TP53INP2: variants seen among roughly 807,000 people sequenced by gnomAD.
The protein encoded by TP53INP2 is tumor protein p53-inducible nuclear protein 2.
A neutral mutation model predicts 17.1 loss-of-function variants in TP53INP2; 12 were observed. The observed-to-expected ratio is 0.70, with a 90% CI of 0.45 to 1.14. The LOEUF is 1.14. Among genes scored for constraint, TP53INP2 ranks in the 50% most tolerant of loss-of-function variants. TP53INP2 has a pLI of 0.00. For missense variants in TP53INP2, 342 were observed against 330.9 expected (o/e 1.03, Z -0.26); for synonymous variants, 145 against 147.3 (o/e 0.98, Z 0.12).
intron 2 of TP53INP2, among the ~76,000 whole-genome samples, chr20:34,707,104 G>A (rs950206502): frequency 1.3e-5 from 2 of 152,110 alleles, no homozygotes; most frequent in African/African-American, 4.8e-5. Context: ...GGCTTACCTC[G>A]GTCTGGGTCC....
In TP53INP2 at chr20:34,713,416, T is replaced by C. The variant is rs1282915416; in HGVS notation, c.*3109T>C. On this transcript the variant is annotated 3_prime_UTR_variant, in exon 5 of 5. Coordinates refer to ENST00000374810, the MANE Select transcript of TP53INP2 (RefSeq NM_021202.3). ...AAAAATTAATATAAAGAAAAACAAA[T>C]AAAAATATATTTAAAGCACATGATC... The C allele has an allele frequency of 6.6e-6, 1 of 152,514 alleles. No individual in the cohort carries two copies. The highest frequency in any genetic ancestry group is 6.5e-5 in the Admixed American group (1 of 15,270). The allele number at this position is 152,514 out of a possible 1,614,324, so 9.4% of individuals were successfully genotyped here.
In TP53INP2 at chr20:34,712,594, A is replaced by T. The variant is rs534929737; in HGVS notation, c.*2287A>T. 6.5e-6 allele frequency: 1 copy of T among 152,758 alleles called. No homozygotes were observed. Among genetic ancestry groups the T allele is most frequent in the Admixed American group, 6.5e-5 (1 of 15,304 alleles). 9.5% of individuals were successfully genotyped at this position (152,758 alleles called of 1,614,324 possible). On this transcript the variant is annotated 3_prime_UTR_variant, in exon 5 of 5. Transcript: ENST00000374810. ...CTCCTGCTAGTCTGACTCCTGAAGC[A>T]TCAGCCCTTGTCATACTGTATTGAC...
Position 34,710,006 on chromosome 20 carries a change from G to GGGGCCCC in TP53INP2, c.414-52_414-51insGGGCCCC. On this transcript the variant is annotated intron_variant, in intron 4 of 4. Coordinates refer to ENST00000374810, the MANE Select transcript of TP53INP2 (RefSeq NM_021202.3). The surrounding 1 kb of genome is among the most constrained non-coding windows in gnomAD (Gnocchi z 4.9). ...GGGTGGGAGATGGCAGCGCCCTCTA[G>GGGGCCCC]ACCCCCCGCCCAGCTTACCCGGCTT... 1 of 1,244,692 alleles carries GGGGCCCC rather than the reference G, an allele frequency of 8.0e-7. No homozygotes were observed. Among genetic ancestry groups the GGGGCCCC allele is most frequent in the Non-Finnish European group, 1.0e-6 (1 of 985,424 alleles). The allele number at this position is 1,244,692 out of a possible 1,614,324, so 77.1% of individuals were successfully genotyped here.
Position 34,710,032 on chromosome 20 carries a change from G to T in TP53INP2, c.414-26G>T. On this transcript the variant is annotated intron_variant, in intron 4 of 4. Transcript: ENST00000374810. This position sits in a 1 kb window ranked among gnomAD's most constrained non-coding sequence, Gnocchi z 4.9. ...ACCCCCCGCCCAGCTTACCCGGCTT[G>T]ACCGAGCCTGGCTCTGTCCTCACAG... 1.6e-6 allele frequency: 2 copies of T among 1,278,070 alleles called. No individual in the cohort carries two copies. The highest frequency in any genetic ancestry group is 2.6e-5 in the South Asian group (1 of 38,124). 79.2% of individuals were successfully genotyped at this position (1,278,070 alleles called of 1,614,324 possible). A position where few individuals can be genotyped will look rare whatever the true frequency, so the allele number is the denominator to read the frequency against.
chr20:34,710,264 G>A lies in TP53INP2; in HGVS notation c.620G>A (p.Ser207Asn). Residue 207 changes from serine (S) to asparagine (N), a missense_variant, in exon 5 of 5, where the codon AGC (serine) becomes AAC (asparagine). Transcript: ENST00000374810. The surrounding 1 kb of genome is among the most constrained non-coding windows in gnomAD (Gnocchi z 4.9). ...CGTCCGCGCCGGTCCAAGAACCAGA[G>A]CAGCTTCATCTACCAGCCGTGCCAG... Reference protein sequence around the residue: ...ESRPRRSKNQSSFIYQPCQRQ... With the variant: ...ESRPRRSKNQNSFIYQPCQRQ... 1 of 1,458,214 alleles carries A rather than the reference G, an allele frequency of 6.9e-7. No individual in the cohort carries two copies. The highest frequency in any genetic ancestry group is 2.3e-5 in the Admixed American group (1 of 43,940). 90.3% of individuals were successfully genotyped at this position (1,458,214 alleles called of 1,614,324 possible).
In TP53INP2 at chr20:34,709,847, G is replaced by A. The variant is rs1030604646; in HGVS notation, c.414-211G>A. Reference sequence around the variant, plus strand: ...CAGAAAGGCAAGGGTGGAATAGGGGGTGGGGGTCCAGTCTCCCCCGAGGTC... The same window carrying A: ...CAGAAAGGCAAGGGTGGAATAGGGGATGGGGGTCCAGTCTCCCCCGAGGTC... On this transcript the variant is annotated intron_variant, in intron 4 of 4. Transcript: ENST00000374810. This position sits in a 1 kb window ranked among gnomAD's most constrained non-coding sequence, Gnocchi z 5.4. 6.6e-6 allele frequency among the ~76,000 whole-genome samples: 1 copy of A among 152,130 alleles called. No homozygotes were observed. The highest frequency in any genetic ancestry group is 6.5e-5 in the Admixed American group (1 of 15,278).
rs537919532 is a variant in TP53INP2, at chr20:34,709,709, G to C, written c.413+185G>C. On this transcript the variant is annotated intron_variant, in intron 4 of 4. Coordinates refer to ENST00000374810, the MANE Select transcript of TP53INP2 (RefSeq NM_021202.3). This position sits in a 1 kb window ranked among gnomAD's most constrained non-coding sequence, Gnocchi z 5.4. ...TGGGCCTCCGGGCGAGGCTAGAAGC[G>C]GGCCTGAGGACGGAGGGGCGGGGCT... Among the ~76,000 whole-genome samples the C allele has an allele frequency of 3.9e-5, 6 of 152,234 alleles. No homozygotes were observed. Among genetic ancestry groups the C allele is most frequent in the African/African-American group, 1.4e-4 (6 of 41,558 alleles).
Position 34,710,422 on chromosome 20 carries a change from T to C in TP53INP2, c.*115T>C, listed in dbSNP as rs960848445. On this transcript the variant is annotated 3_prime_UTR_variant, in exon 5 of 5. Coordinates refer to ENST00000374810, the MANE Select transcript of TP53INP2 (RefSeq NM_021202.3). This position sits in a 1 kb window ranked among gnomAD's most constrained non-coding sequence, Gnocchi z 4.9. ...TCTTAAAGCGTGTGAGGTTGGGTGA[T>C]AGCCGTTCCTTCCCCGACACCCTCA... 1 of 1,147,474 alleles carries C rather than the reference T, an allele frequency of 8.7e-7. No individual in the cohort carries two copies. The highest frequency in any genetic ancestry group is 4.2e-5 in the Admixed American group (1 of 23,546). 71.1% of individuals were successfully genotyped at this position (1,147,474 alleles called of 1,614,324 possible). A position where few individuals can be genotyped will look rare whatever the true frequency, so the allele number is the denominator to read the frequency against.
rs771565575 is a variant in TP53INP2, at chr20:34,707,764, C to T, written c.-49-927C>T. On this transcript the variant is annotated intron_variant, in intron 2 of 4. Transcript: ENST00000374810. ...ACATGAGGTAATATAGGTAAAGCTG[C>T]TTAGCATAGTGCCTGGAACATAAAT... Among the ~76,000 whole-genome samples the T allele has an allele frequency of 4.5e-4, 69 of 152,266 alleles. No individual in the cohort carries two copies. In the Middle Eastern group the frequency reaches 0.01, roughly 23 times the overall value.
At chr20:34,707,134 T>C (rs927355189) in intron 2 of TP53INP2, among the ~76,000 whole-genome samples, 2 of 152,094 alleles carry the variant, frequency 1.3e-5, no homozygotes, top group Non-Finnish European at 2.9e-5. Context: ...TGCTCATCCT[T>C]AAGGGCTCCT....
At position 34,709,246 on chromosome 20, in the gene TP53INP2, G is replaced by A. The variant is rs1445025020; in HGVS notation, c.135G>A (p.Ala45=). ...TCCCGCGCCCCGTAGACAGCTACGCGGCTCCACCCAGCCCCGGGGCCGCCC... is the reference window on the plus strand; with the variant it reads ...TCCCGCGCCCCGTAGACAGCTACGCAGCTCCACCCAGCCCCGGGGCCGCCC... ...WLIIDLPDSY[A]APPSPGAAPA... Residue 45 remains alanine (A), a synonymous_variant, in exon 4 of 5, where the codon GCG becomes GCA. Coordinates refer to ENST00000374810, the MANE Select transcript of TP53INP2 (RefSeq NM_021202.3). This position sits in a 1 kb window ranked among gnomAD's most constrained non-coding sequence, Gnocchi z 5.4. 6.4e-7 allele frequency: 1 copy of A among 1,565,094 alleles called. No individual in the cohort carries two copies. Among genetic ancestry groups the A allele is most frequent in the East Asian group, 2.4e-5 (1 of 41,932 alleles).
rs1988257377 is a variant in TP53INP2 at position 34,713,230 on chromosome 20, T to C, written c.*2923T>C. 1 of 152,504 alleles carries C rather than the reference T, an allele frequency of 6.6e-6. No homozygotes were observed. Among genetic ancestry groups the C allele is most frequent in the South Asian group, 2.1e-4 (1 of 4,820 alleles). 9.4% of individuals were successfully genotyped at this position (152,504 alleles called of 1,614,324 possible). A position where few individuals can be genotyped will look rare whatever the true frequency, so the allele number is the denominator to read the frequency against. On this transcript the variant is annotated 3_prime_UTR_variant, in exon 5 of 5. Transcript: ENST00000374810. ...ACAAGTTGAGTGCATCCCTGTTGGG[T>C]GTTTTGTGTTGAGACTGGCTGAAAT...
chr20:34,709,720 C>T lies in TP53INP2; in HGVS notation c.413+196C>T, dbSNP rs553036562. ...GCGAGGCTAGAAGCGGGCCTGAGGA[C>T]GGAGGGGCGGGGCTTGAGAGGGAGG... On this transcript the variant is annotated intron_variant, in intron 4 of 4. Coordinates refer to ENST00000374810, the MANE Select transcript of TP53INP2 (RefSeq NM_021202.3). This position sits in a 1 kb window ranked among gnomAD's most constrained non-coding sequence, Gnocchi z 5.4. Among the ~76,000 whole-genome samples the T allele has an allele frequency of 1.7e-4, 26 of 151,570 alleles. No homozygotes were observed. The East Asian group carries it at 4.9e-3, about 28-fold the overall frequency.
intron 3 of TP53INP2, 134 bp downstream of exon 3, chr20:34,708,997 T>C: frequency 7.0e-7 from 1 of 1,431,890 alleles, no homozygotes; most frequent in Non-Finnish European, 9.2e-7. Flanking sequence ...CGGGGCCCCT[T>C]CCCATGAAAG....
chr20:34,709,504 T>A lies in TP53INP2; in HGVS notation c.393T>A (p.Pro131=). 4 of 1,609,200 alleles carry A rather than the reference T, an allele frequency of 2.5e-6. No homozygotes were observed. Among genetic ancestry groups the A allele is most frequent in the South Asian group, 1.1e-5 (1 of 91,042 alleles). Residue 131 remains proline, a synonymous_variant, in exon 4 of 5, where the codon CCT becomes CCA. Coordinates refer to ENST00000374810, the MANE Select transcript of TP53INP2 (RefSeq NM_021202.3). The surrounding 1 kb of genome is among the most constrained non-coding windows in gnomAD (Gnocchi z 5.4). ...SPSPLPDAAL[P]DGDLSEGELT... is the part of the protein sequence containing the mutation. ...CCCCGCTCCCGGACGCGGCCCTGCC[T>A]GACGGCGACCTCAGCGAAGGGTGAG...
Position 34,710,425 on chromosome 20 carries a change from C to A in TP53INP2, c.*118C>A. On this transcript the variant is annotated 3_prime_UTR_variant, in exon 5 of 5. Transcript: ENST00000374810. The surrounding 1 kb of genome is among the most constrained non-coding windows in gnomAD (Gnocchi z 4.9). The stretch of plus-strand genomic sequence containing the variant: ...TAAAGCGTGTGAGGTTGGGTGATAG[C>A]CGTTCCTTCCCCGACACCCTCAATT... 8.9e-7 allele frequency: 1 copy of A among 1,124,052 alleles called. No homozygotes were observed. The highest frequency in any genetic ancestry group is 1.1e-6 in the Non-Finnish European group (1 of 884,038). 69.6% of individuals were successfully genotyped at this position (1,124,052 alleles called of 1,614,324 possible). A position where few individuals can be genotyped will look rare whatever the true frequency, so the allele number is the denominator to read the frequency against.
chr20:34,710,251 T>C lies in TP53INP2; in HGVS notation c.607T>C (p.Ser203Pro), dbSNP rs567434405. The C allele has an allele frequency of 1.0e-5, 15 of 1,474,270 alleles. 1 individual carries two copies. The South Asian group carries it at 1.8e-4, about 17-fold the overall frequency. 91.3% of individuals were successfully genotyped at this position (1,474,270 alleles called of 1,614,324 possible). A position where few individuals can be genotyped will look rare whatever the true frequency, so the allele number is the denominator to read the frequency against. The change falls in exon 5 of 5, where the codon TCC (serine) becomes CCC (proline). Residue 203 changes from serine to proline, a missense_variant. By Grantham distance (74) the Ser-to-Pro change is moderately conservative. Transcript: ENST00000374810. The surrounding 1 kb of genome is among the most constrained non-coding windows in gnomAD (Gnocchi z 4.9). ...AGCCCGCGAGAGCCGTCCGCGCCGG[T>C]CCAAGAACCAGAGCAGCTTCATCTA... ...NRARESRPRR[S>P]KNQSSFIYQP... is the part of the protein sequence containing the mutation.
In TP53INP2 at chr20:34,709,938, C is replaced by G; in HGVS notation, c.414-120C>G. On this transcript the variant is annotated intron_variant, in intron 4 of 4. Coordinates refer to ENST00000374810, the MANE Select transcript of TP53INP2 (RefSeq NM_021202.3). This position sits in a 1 kb window ranked among gnomAD's most constrained non-coding sequence, Gnocchi z 5.4. ...GGGTTGGTACCCACAAGAAGGGCGTCGGGCACCCCAATCTGAACAGACACA... is the reference window on the plus strand; with the variant it reads ...GGGTTGGTACCCACAAGAAGGGCGTGGGGCACCCCAATCTGAACAGACACA... 8.4e-7 allele frequency: 1 copy of G among 1,194,960 alleles called. No homozygotes were observed. The highest frequency in any genetic ancestry group is 1.1e-6 in the Non-Finnish European group (1 of 926,678). 74.0% of individuals were successfully genotyped at this position (1,194,960 alleles called of 1,614,324 possible).
At position 34,709,938 on chromosome 20, in the gene TP53INP2, C is replaced by T; in HGVS notation, c.414-120C>T. 8.4e-7 allele frequency: 1 copy of T among 1,194,958 alleles called. No individual in the cohort carries two copies. Among genetic ancestry groups the T allele is most frequent in the Non-Finnish European group, 1.1e-6 (1 of 926,676 alleles). The allele number at this position is 1,194,958 out of a possible 1,614,324, so 74.0% of individuals were successfully genotyped here. A position where few individuals can be genotyped will look rare whatever the true frequency, so the allele number is the denominator to read the frequency against. On this transcript the variant is annotated intron_variant, in intron 4 of 4. Transcript: ENST00000374810. The surrounding 1 kb of genome is among the most constrained non-coding windows in gnomAD (Gnocchi z 5.4). ...GGGTTGGTACCCACAAGAAGGGCGT[C>T]GGGCACCCCAATCTGAACAGACACA...
Sources: allele counts gnomAD v4.1 joint callset (sites outside exome capture counted in the v4.1 genomes callset), GRCh38; gene constraint gnomAD v4.1.1; non-coding constraint Gnocchi (gnomAD v3.1); transcripts MANE v1.5; gene names NCBI Gene and HGNC (gene_info 2026-07-23, HGNC 2026-07-21).